MKI67: variants seen among roughly 807,000 people sequenced by gnomAD.
MKI67 encodes proliferation marker protein Ki-67.
A neutral mutation model predicts 233.5 loss-of-function variants in MKI67; 152 were observed. That is an observed-to-expected ratio of 0.65 (90% CI 0.57 to 0.74). MKI67 has a LOEUF of 0.74. MKI67 is among the 30% of genes least tolerant of loss of function. The pLI, the probability that MKI67 is intolerant of heterozygous loss-of-function variation, is 0.00. For synonymous variants in MKI67, 1,465 were observed against 1,418.5 expected (o/e 1.03, Z -0.74); for missense variants, 3,940 against 3,885.2 (o/e 1.01, Z -0.37).
chr10:128,106,749 C>T lies in MKI67; in HGVS notation c.5091G>A (p.Leu1697=). 6.2e-7 allele frequency: 1 copy of T among 1,613,540 alleles called. No homozygotes were observed. The highest frequency in any genetic ancestry group is 8.5e-7 in the Non-Finnish European group (1 of 1,179,908). The change falls in exon 13 of 15, where the codon CTG becomes CTA. Residue 1697 remains leucine (L), a synonymous_variant. Coordinates refer to ENST00000368654, the MANE Select transcript of MKI67 (RefSeq NM_002417.5). ...AASLTGSKRQ[L]RTPKGKSEVP... ...CTTCAGACTTTCCCTTAGGAGTTCT[C>T]AGCTGCCTCTTGCTGCCAGTTAGAC...
At chr10:128,099,935 C>T (rs1377157568) in intron 14 of MKI67, among the ~76,000 whole-genome samples, 1 of 152,196 alleles carries the variant, frequency 6.6e-6, no homozygotes, top group Non-Finnish European at 1.5e-5. Context: ...GGCCTGGTTG[C>T]TCTGTGTTTA....
rs779933488 is a variant in MKI67 at position 128,104,278 on chromosome 10, C to T, written c.7562G>A (p.Ser2521Asn). ...TGGAGACTCCTTAAACGCTTTGATGCTCTTACTATCTCCTGTTGGCTCTGT... is the reference window on the plus strand; with the variant it reads ...TGGAGACTCCTTAAACGCTTTGATGTTCTTACTATCTCCTGTTGGCTCTGT... ...THTEPTGDSK[S>N]IKAFKESPKQ... is the part of the protein sequence containing the mutation. The change falls in exon 13 of 15, where the codon AGC (serine) becomes AAC (asparagine). Residue 2521 changes from serine to asparagine, a missense_variant. Transcript: ENST00000368654. 4 of 1,614,142 alleles carry T rather than the reference C, an allele frequency of 2.5e-6. No homozygotes were observed. In the South Asian group the frequency reaches 4.4e-5, roughly 18 times the overall value.
Position 128,105,664 on chromosome 10 carries a change from A to C in MKI67, c.6176T>G (p.Met2059Arg), listed in dbSNP as rs201631303. The C allele has an allele frequency of 3.7e-6, 6 of 1,612,010 alleles. No individual in the cohort carries two copies. Among genetic ancestry groups the C allele is most frequent in the Non-Finnish European group, 4.2e-6 (5 of 1,179,578 alleles). Residue 2059 changes from methionine to arginine, a missense_variant, in exon 13 of 15, where the codon ATG (methionine) becomes AGG (arginine). Met to Arg is a moderately conservative substitution (Grantham distance 91). Coordinates refer to ENST00000368654, the MANE Select transcript of MKI67 (RefSeq NM_002417.5). ...MLDPANYGTG[M>R]ERWPRTPKEE... ...CTTAGGTGTTCTTGGCCACCTCTCC[A>C]TCCCAGTTCCATAGTTTGCTGGGTC... is the stretch of plus-strand genomic sequence containing the variant.
At chr10:128,123,706 G>T (rs1039544866) in intron 2 of MKI67, among the ~76,000 whole-genome samples, 3 of 152,116 alleles carry the variant, frequency 2.0e-5, no homozygotes. Flanking sequence ...CATAGTAAAT[G>T]CTCATTATGG....
chr10:128,116,944 T>C (rs537215987), intron 5 of MKI67, among the ~76,000 whole-genome samples: 234 of 152,302 alleles, frequency 1.5e-3, no homozygotes, highest in Admixed American at 3.4e-3. Context: ...ATTGTTTTCT[T>C]TACCAAACCA....
At chr10:128,121,534 T>TATAA (rs67530833) in intron 4 of MKI67, among the ~76,000 whole-genome samples, 14,390 of 136,988 alleles carry the variant, frequency 0.11, 909 homozygotes, top group African/African-American at 0.14. Context: ...ATATTATATA[T>TATAA]TATATTATAA....
chr10:128,099,520 A>T (rs989646214), intron 14 of MKI67, among the ~76,000 whole-genome samples: 7 of 152,226 alleles, frequency 4.6e-5, no homozygotes, highest in Admixed American at 1.3e-4. Context: ...TTTTTAAGCT[A>T]ATTCATAATA....
chr10:128,105,426 C>T lies in MKI67; in HGVS notation c.6414G>A (p.Lys2138=). The T allele has an allele frequency of 6.2e-7, 1 of 1,614,048 alleles. No homozygotes were observed. The highest frequency in any genetic ancestry group is 8.5e-7 in the Non-Finnish European group (1 of 1,180,022). Residue 2138 remains lysine, a synonymous_variant, in exon 13 of 15, where the codon AAG becomes AAA. Coordinates refer to ENST00000368654, the MANE Select transcript of MKI67 (RefSeq NM_002417.5). ...CTGTGTGTGTGGTCTGTGTGAGCTG[C>T]TTCAGGGCTGAGAGCTCTTCCACTA... is the stretch of plus-strand genomic sequence containing the variant. ...RDIVEELSAL[K]QLTQTTHTDK...
In MKI67 at chr10:128,112,034, A is replaced by G. The variant is rs763230181; in HGVS notation, c.1981T>C (p.Trp661Arg). 15 of 1,610,312 alleles carry G rather than the reference A, an allele frequency of 9.3e-6. No homozygotes were observed. The highest frequency in any genetic ancestry group is 1.7e-4 in the Middle Eastern group (1 of 6,058). ...SEANLIVAKS[W>R]ADVVKLGAKQ... ...GCACCAAGTTTTACTACATCTGCCC[A>G]TGATTTTGCAACTGTCAAAGGGAAA... is the stretch of plus-strand genomic sequence containing the variant. The change falls in exon 10 of 15, where the codon TGG becomes CGG. Residue 661 changes from tryptophan (W) to arginine (R), a missense_variant. Trp to Arg is a moderately radical substitution (Grantham distance 101). Transcript: ENST00000368654.
rs776284949 is a variant in MKI67, at chr10:128,104,661, T to C, written c.7179A>G (p.Ala2393=). The C allele has an allele frequency of 3.0e-5, 48 of 1,613,860 alleles. No individual in the cohort carries two copies. Among genetic ancestry groups the C allele is most frequent in the Non-Finnish European group, 3.4e-5 (40 of 1,180,014 alleles). Residue 2393 remains alanine, a synonymous_variant, in exon 13 of 15, where the codon GCA becomes GCG. Transcript: ENST00000368654. ...TGTTGATATTTTTCTCATCACTTAC[T>C]GCTGGTTTTGGTGTGTCCATGGCTT... The part of the protein sequence containing the change: ...AGKAMDTPKP[A]VSDEKNINTF...
rs1852770322 is a variant in MKI67, at chr10:128,115,084, C to G, written c.1324G>C (p.Glu442Gln). The change falls in exon 7 of 15, where the codon GAG becomes CAG. Residue 442 changes from glutamate (E) to glutamine (Q), a missense_variant. Coordinates refer to ENST00000368654, the MANE Select transcript of MKI67 (RefSeq NM_002417.5). ...GTGAGCCACAGAGTTAAAAATGGCT[C>G]ATTGTGAATTTCAGTTTCCGTAGGC... is the stretch of plus-strand genomic sequence containing the variant. ...VLPTETEIHNEPFLTLWLTQV... is the reference protein window; with the variant it reads ...VLPTETEIHNQPFLTLWLTQV... 3 of 1,613,948 alleles carry G rather than the reference C, an allele frequency of 1.9e-6. No homozygotes were observed. Among genetic ancestry groups the G allele is most frequent in the Non-Finnish European group, 2.5e-6 (3 of 1,179,816 alleles).
intron 5 of MKI67, among the ~76,000 whole-genome samples, chr10:128,117,433 G>A (rs1301741477): frequency 2.0e-5 from 3 of 152,204 alleles, no homozygotes; most frequent in South Asian, 2.1e-4. Context: ...CAGGCGCAGC[G>A]CCCCCACCTG....
At position 128,105,947 on chromosome 10, in the gene MKI67, C is replaced by G; in HGVS notation, c.5893G>C (p.Gly1965Arg). The change falls in exon 13 of 15, where the codon GGT becomes CGT. Residue 1965 changes from glycine to arginine, a missense_variant. Gly to Arg is a moderately radical substitution (Grantham distance 125, BLOSUM62 -2). Coordinates refer to ENST00000368654, the MANE Select transcript of MKI67 (RefSeq NM_002417.5). ...AGFKELFQTPGHTEESMTDDK... is the reference protein window; with the variant it reads ...AGFKELFQTPRHTEESMTDDK... ...TCGGTCATTGATTCCTCAGTGTGAC[C>G]TGGTGTCTGGAAGAGCTCTTTGAAG... 1 of 1,613,966 alleles carries G rather than the reference C, an allele frequency of 6.2e-7. No homozygotes were observed. Among genetic ancestry groups the G allele is most frequent in the Non-Finnish European group, 8.5e-7 (1 of 1,179,978 alleles).
At chr10:128,099,393 A>T in intron 14 of MKI67, 138 bp from the exon 15 acceptor site, 1 of 495,182 alleles carries the variant, frequency 2.0e-6, no homozygotes, top group Non-Finnish European at 3.5e-6. Flanking sequence ...TTGAGGTTGG[A>T]AATAAGTTTT....
At position 128,108,007 on chromosome 10, in the gene MKI67, A is replaced by G; in HGVS notation, c.3833T>C (p.Val1278Ala). The change falls in exon 13 of 15, where the codon GTA becomes GCA. Residue 1278 changes from valine (V) to alanine (A), a missense_variant. Coordinates refer to ENST00000368654, the MANE Select transcript of MKI67 (RefSeq NM_002417.5). ...CCTGCACGCTAAGAGTTCTCCCTCT[A>G]CATCTGCTTTCCTGATACTTCTCTT... ...RPKRSIRKAD[V>A]EGELLACRNL... 1 of 1,613,412 alleles carries G rather than the reference A, an allele frequency of 6.2e-7. No homozygotes were observed. The highest frequency in any genetic ancestry group is 8.5e-7 in the Non-Finnish European group (1 of 1,179,902).
In MKI67 at chr10:128,106,434, T is replaced by C; in HGVS notation, c.5406A>G (p.Pro1802=). 3 of 1,613,708 alleles carry C rather than the reference T, an allele frequency of 1.9e-6. No individual in the cohort carries two copies. The highest frequency in any genetic ancestry group is 1.7e-6 in the Non-Finnish European group (2 of 1,179,952). The change falls in exon 13 of 15, where the codon CCA becomes CCG. Residue 1802 remains proline, a synonymous_variant. Transcript: ENST00000368654. ...EKDINTFLGT[P]VQKLDQPGNL... is the part of the protein sequence containing the mutation. Reference sequence around the variant, plus strand: ...TTCCTGGCTGGTCCAGTTTCTGCACTGGAGTTCCCAAAAACGTGTTGATGT... The same window carrying C: ...TTCCTGGCTGGTCCAGTTTCTGCACCGGAGTTCCCAAAAACGTGTTGATGT...
At position 128,104,204 on chromosome 10, in the gene MKI67, G is replaced by A. The variant is rs1431676874; in HGVS notation, c.7636C>T (p.Leu2546=). The part of the protein sequence containing the change: ...AASVTGSRRQ[L]RTRKEKARAL... ...CGGGCCTTTTCCTTACGAGTTCTCA[G>A]CTGCCTCCTGCTACCAGTTACACTT... The change falls in exon 13 of 15, where the codon CTG becomes TTG. Residue 2546 remains leucine, a synonymous_variant. Transcript: ENST00000368654. The A allele has an allele frequency of 1.5e-5, 24 of 1,613,896 alleles. No individual in the cohort carries two copies. Among genetic ancestry groups the A allele is most frequent in the Non-Finnish European group, 1.9e-5 (22 of 1,180,020 alleles).
At chr10:128,124,239 T>G (rs1353071825) in intron 2 of MKI67, among the ~76,000 whole-genome samples, 1 of 152,214 alleles carries the variant, frequency 6.6e-6, no homozygotes, top group African/African-American at 2.4e-5. Context: ...AATTTGATTT[T>G]AAGGTAACAG....
Position 128,103,935 on chromosome 10 carries a change from T to A in MKI67, c.7905A>T (p.Glu2635Asp). 2 of 1,614,044 alleles carry A rather than the reference T, an allele frequency of 1.2e-6. No homozygotes were observed. The highest frequency in any genetic ancestry group is 1.7e-6 in the Non-Finnish European group (2 of 1,180,022). ...TGATGCCCTCATCACCGCTTGCTGG[T>A]TCTTTGTGTGTGTGTGTGCTTTGCC... ...TSGQSTHTHK[E>D]PASGDEGIKV... is the part of the protein sequence containing the mutation. Residue 2635 changes from glutamate (E) to aspartate (D), a missense_variant, in exon 13 of 15, where the codon GAA becomes GAT. Coordinates refer to ENST00000368654, the MANE Select transcript of MKI67 (RefSeq NM_002417.5).
Sources: allele counts gnomAD v4.1 joint callset (sites outside exome capture counted in the v4.1 genomes callset), GRCh38; gene constraint gnomAD v4.1.1; transcripts MANE v1.5; gene names NCBI Gene and HGNC (gene_info 2026-07-23, HGNC 2026-07-21).